RIPOR2: variants seen among roughly 807,000 people sequenced by gnomAD.
RIPOR2 encodes the protein RHO family interacting cell polarization regulator 2.
RIPOR2 carries 39 observed loss-of-function variants against 114.5 expected under a neutral mutation model. The observed-to-expected ratio is 0.34, with a 90% CI of 0.26 to 0.44. The LOEUF (loss-of-function observed/expected upper bound fraction) is 0.44, where lower values mean the gene tolerates loss of function less well. Ranked by LOEUF, RIPOR2 falls within the 20% of genes least tolerant of loss-of-function variation. The pLI is 1.00. For missense variants in RIPOR2, 1,007 were observed against 1,255.1 expected (o/e 0.80, Z 2.99); for synonymous variants, 445 against 484.4 (o/e 0.92, Z 1.07).
At chr6:24,900,220 A>G (rs954550666) in intron 1 of RIPOR2, among the ~76,000 whole-genome samples, 1 of 152,118 alleles carries the variant, frequency 6.6e-6, no homozygotes, top group Non-Finnish European at 1.5e-5. Context: ...GTGTATTTAC[A>G]TCCACAGCCG....
chr6:24,805,782 C>A lies in RIPOR2; in HGVS notation c.*591G>T, dbSNP rs1326308646. 6.6e-6 allele frequency: 1 copy of A among 152,074 alleles called. No individual in the cohort carries two copies. Among genetic ancestry groups the A allele is most frequent in the African/African-American group, 2.4e-5 (1 of 41,396 alleles). 9.4% of individuals were successfully genotyped at this position (152,074 alleles called of 1,614,324 possible). On this transcript the variant is annotated 3_prime_UTR_variant, in exon 22 of 22. Coordinates refer to ENST00000643898, the MANE Select transcript of RIPOR2 (RefSeq NM_001286445.3). ...AAGATGGCTATTTTTAAATTTCATA[C>A]ATATTAAGATAAGATGGACTCTTTC...
Position 24,927,140 on chromosome 6 carries a change from C to CCAGCACCACTACAACTACAAT in RIPOR2, c.61+8697_61+8698insATTGTAGTTGTAGTGGTGCTG, listed in dbSNP as rs1561782411. Among the ~76,000 whole-genome samples, 157 of 47,446 alleles carry CCAGCACCACTACAACTACAAT rather than the reference C, an allele frequency of 3.3e-3. 7 individuals are homozygous for CCAGCACCACTACAACTACAAT. The highest frequency in any genetic ancestry group is 5.6e-3 in the Non-Finnish European group (110 of 19,536). 31.1% of individuals were successfully genotyped at this position (47,446 alleles called of 152,430 possible). On this transcript the variant is annotated intron_variant, in intron 1 of 21. Coordinates refer to ENST00000643898, the MANE Select transcript of RIPOR2 (RefSeq NM_001286445.3). ...TATTATAATCATCATCTCACTACCA[C>CCAGCACCACTACAACTACAAT]CACCACCACCACCACCACCACAACT...
chr6:24,926,644 A>G (rs1403136684), intron 1 of RIPOR2, among the ~76,000 whole-genome samples: 1 of 152,168 alleles, frequency 6.6e-6, no homozygotes, highest in Non-Finnish European at 1.5e-5. Context: ...TCTTTTATTA[A>G]GCCAGCTCTT....
rs989333963 is a variant in RIPOR2, at chr6:24,914,692, C to A, written c.61+21146G>T. On this transcript the variant is annotated intron_variant, in intron 1 of 21. Transcript: ENST00000643898. ...TTTAAGCCAGTGTGTGGTTGAAGAA[C>A]GGACTCAGCCAAACAAGTCTTATGG... Among the ~76,000 whole-genome samples the A allele has an allele frequency of 6.0e-4, 91 of 152,282 alleles. 1 individual carries two copies. Among genetic ancestry groups the A allele is most frequent in the African/African-American group, 2.0e-3 (83 of 41,562 alleles).
In RIPOR2 at chr6:24,843,416, T is replaced by G; in HGVS notation, c.1303A>C (p.Asn435His). The change falls in exon 13 of 22, where the codon AAT becomes CAT. Residue 435 changes from asparagine (N) to histidine (H), a missense_variant. Asn to His is a moderately conservative substitution (Grantham distance 68, BLOSUM62 1). Transcript: ENST00000643898. Reference sequence around the variant, plus strand: ...GCAGGGGTGATGGTAATTTCTGGATTTGTTGAGTTGGAAGGGGAGCCTGTT... The same window carrying G: ...GCAGGGGTGATGGTAATTTCTGGATGTGTTGAGTTGGAAGGGGAGCCTGTT... ...HSTGSPSNSTNPEITITPAEF... is the reference protein window; with the variant it reads ...HSTGSPSNSTHPEITITPAEF... 1 of 1,613,632 alleles carries G rather than the reference T, an allele frequency of 6.2e-7. No homozygotes were observed. Among genetic ancestry groups the G allele is most frequent in the South Asian group, 1.1e-5 (1 of 91,064 alleles).
chr6:25,005,738 T>TATATATATATATATACAC lies in RIPOR2; in HGVS notation c.76+36112_76+36113insGTGTATATATATATATAT, dbSNP rs34572978. ...ATATATATATATATATATATATATA[T>TATATATATATATATACAC]ATACATTTACCGATCAAAAGATATG... On this transcript the variant is annotated intron_variant, in intron 1 of 13. Coordinates refer to the RIPOR2 transcript ENST00000510784. Among the ~76,000 whole-genome samples the TATATATATATATATACAC allele has an allele frequency of 6.4e-4, 45 of 70,690 alleles. 3 individuals are homozygous for TATATATATATATATACAC. Among genetic ancestry groups the TATATATATATATATACAC allele is most frequent in the East Asian group, 1.9e-3 (6 of 3,102 alleles). 46.4% of individuals were successfully genotyped at this position (70,690 alleles called of 152,430 possible). A position where few individuals can be genotyped will look rare whatever the true frequency, so the allele number is the denominator to read the frequency against.
chr6:24,980,395 T>A (rs1461489480), intron 1 of RIPOR2, among the ~76,000 whole-genome samples: 5 of 152,218 alleles, frequency 3.3e-5, no homozygotes, highest in African/African-American at 9.6e-5. Flanking sequence ...AGACACCTGG[T>A]CATCTAAAAT....
chr6:24,927,146 C>CTACAACTACAATCACCAT (rs1308464015), intron 1 of RIPOR2, among the ~76,000 whole-genome samples: 2,943 of 97,366 alleles, frequency 0.03, 1,333 homozygotes, highest in East Asian at 0.048. Context: ...ACCACCACCA[C>CTACAACTACAATCACCAT]CACCACCACC....
At chr6:25,000,078 AT>A (rs1441048152) in intron 1 of RIPOR2, among the ~76,000 whole-genome samples, 6 of 152,152 alleles carry the variant, frequency 3.9e-5, no homozygotes, top group Non-Finnish European at 7.3e-5. Flanking sequence ...ACCCAGGGCC[AT>A]TTGCATATCC....
intron 1 of RIPOR2, among the ~76,000 whole-genome samples, chr6:24,943,095 T>C (rs1480993775): frequency 6.6e-6 from 1 of 152,202 alleles, no homozygotes; most frequent in African/African-American, 2.4e-5. Context: ...CCAAGCCAAA[T>C]GTCCCACAAT....
At chr6:24,967,909 C>CTTTTT (rs35997558) in intron 1 of RIPOR2, among the ~76,000 whole-genome samples, 6 of 123,518 alleles carry the variant, frequency 4.9e-5, no homozygotes, top group Admixed American at 2.5e-4. Flanking sequence ...AGATCTCAAT[C>CTTTTT]TTTTTTTTTT....
intron 6 of RIPOR2, 57 bp downstream of exon 6, chr6:24,869,037 G>A: frequency 3.0e-6 from 3 of 1,007,366 alleles, no homozygotes; most frequent in Non-Finnish European, 4.6e-6. Flanking sequence ...GCCCAAAGGT[G>A]TATTTGATTA....
chr6:24,822,514 T>A (rs527718075), intron 19 of RIPOR2, among the ~76,000 whole-genome samples: 1 of 152,162 alleles, frequency 6.6e-6, no homozygotes, highest in South Asian at 2.1e-4. Context: ...TTATTTATTT[T>A]TATTTATTTA....
chr6:24,954,481 G>C (rs1251141674), intron 1 of RIPOR2, among the ~76,000 whole-genome samples: 2 of 117,054 alleles, frequency 1.7e-5, no homozygotes, highest in Non-Finnish European at 3.8e-5. Flanking sequence ...TTTGAGACAG[G>C]GTCTCACTCT....
intron 1 of RIPOR2, among the ~76,000 whole-genome samples, chr6:25,038,916 A>G (rs920131497): frequency 2.6e-5 from 4 of 152,274 alleles, no homozygotes; most frequent in African/African-American, 9.6e-5. Flanking sequence ...ATTCCAAGCC[A>G]GGGCCTGGCC....
At chr6:24,906,675 C>T (rs1769027919) in intron 1 of RIPOR2, among the ~76,000 whole-genome samples, 1 of 152,174 alleles carries the variant, frequency 6.6e-6, no homozygotes, top group Non-Finnish European at 1.5e-5. Context: ...CTCACTCTGT[C>T]ACCTAGGCTG....
At chr6:24,905,613 G>A (rs2114037639) in intron 1 of RIPOR2, among the ~76,000 whole-genome samples, 1 of 152,328 alleles carries the variant, frequency 6.6e-6, no homozygotes, top group East Asian at 1.9e-4. Context: ...CACAGCTAAG[G>A]CCAAAGCCAA....
At chr6:25,016,705 C>T (rs73384165) in intron 1 of RIPOR2, among the ~76,000 whole-genome samples, 7,828 of 152,228 alleles carry the variant, frequency 0.051, 458 homozygotes, top group African/African-American at 0.15. Context: ...TCACTTCTTC[C>T]CTTGCTATAA....
rs1015238174 is a variant in RIPOR2 at position 24,883,183 on chromosome 6, C to T, written c.62-7366G>A. 6.6e-6 allele frequency among the ~76,000 whole-genome samples: 1 copy of T among 152,182 alleles called. No homozygotes were observed. Among genetic ancestry groups the T allele is most frequent in the Non-Finnish European group, 1.5e-5 (1 of 68,028 alleles). On this transcript the variant is annotated intron_variant, in intron 1 of 21. Coordinates refer to ENST00000643898, the MANE Select transcript of RIPOR2 (RefSeq NM_001286445.3). The surrounding 1 kb of genome is among the most constrained non-coding windows in gnomAD (Gnocchi z 4.1). Reference sequence around the variant, plus strand: ...ATACAAACAGGCAATTCTGAGAGAGCCTTACTGATAGAAAATATGAGACAC... The same window carrying T: ...ATACAAACAGGCAATTCTGAGAGAGTCTTACTGATAGAAAATATGAGACAC...
Sources: allele counts gnomAD v4.1 joint callset (sites outside exome capture counted in the v4.1 genomes callset), GRCh38; gene constraint gnomAD v4.1.1; non-coding constraint Gnocchi (gnomAD v3.1); transcripts MANE v1.5; gene names NCBI Gene and HGNC (gene_info 2026-07-23, HGNC 2026-07-21).